ARMC9: variants seen among roughly 807,000 people sequenced by gnomAD.
The protein encoded by ARMC9 is lisH domain-containing protein ARMC9.
A neutral mutation model predicts 107.0 loss-of-function variants in ARMC9; 94 were observed. The ratio of observed to expected loss-of-function variants is 0.88; its 90% CI spans 0.74 to 1.04. The LOEUF is 1.04. ARMC9 is among the 50% of genes least tolerant of loss of function. The pLI is 0.00. For synonymous variants in ARMC9, 380 were observed against 396.9 expected (o/e 0.96, Z 0.51); for missense variants, 942 against 1,030.1 (o/e 0.91, Z 1.17).
chr2:231,256,920 G>C (rs1363630359), intron 10 of ARMC9, among the ~76,000 whole-genome samples: 1 of 152,130 alleles, frequency 6.6e-6, no homozygotes, highest in African/African-American at 2.4e-5. Flanking sequence ...CCGCCTCCTG[G>C]GTTCAAGCGA....
intron 3 of ARMC9, 56 bp downstream of exon 3, chr2:231,208,308 T>C: frequency 1.5e-6 from 2 of 1,370,040 alleles, no homozygotes; most frequent in South Asian, 1.2e-5. Flanking sequence ...TCCCAACTTG[T>C]GGAAAATGCT....
intron 19 of ARMC9, among the ~76,000 whole-genome samples, chr2:231,316,486 C>A (rs2042687713): frequency 6.6e-6 from 1 of 151,812 alleles, no homozygotes; most frequent in East Asian, 1.9e-4. Context: ...CATGGTGAAA[C>A]CCCATCTCTA....
chr2:231,327,809 G>C (rs1332799080), intron 19 of ARMC9, among the ~76,000 whole-genome samples: 1 of 151,956 alleles, frequency 6.6e-6, no homozygotes, highest in Non-Finnish European at 1.5e-5. Context: ...TTTTGACACT[G>C]AGTCTTGCTC....
intron 23 of ARMC9, among the ~76,000 whole-genome samples, chr2:231,365,117 T>C (rs1575193725): frequency 6.6e-6 from 1 of 152,094 alleles, no homozygotes; most frequent in Non-Finnish European, 1.5e-5. Context: ...ATGGCGCTGG[T>C]CTGGCCTGAG....
At chr2:231,291,474 C>G (rs2040987549) in intron 18 of ARMC9, 31 bp downstream of exon 18, 2 of 1,591,022 alleles carry the variant, frequency 1.3e-6, no homozygotes, top group Middle Eastern at 1.7e-4. Flanking sequence ...TTTGATCTAT[C>G]TTTTGAATTA....
intron 19 of ARMC9, among the ~76,000 whole-genome samples, chr2:231,317,919 A>G (rs946969539): frequency 1.3e-5 from 2 of 151,568 alleles, no homozygotes; most frequent in Non-Finnish European, 2.9e-5. Flanking sequence ...TTCTGAGCAC[A>G]TTTTCCTTTA....
intron 11 of ARMC9, among the ~76,000 whole-genome samples, chr2:231,260,171 T>G (rs1231791897): frequency 6.6e-6 from 1 of 152,254 alleles, no homozygotes; most frequent in African/African-American, 2.4e-5. Flanking sequence ...CTTTAATGTC[T>G]GGCTTGATGG....
In ARMC9 at chr2:231,331,895, G is replaced by T. The variant is rs1279207003; in HGVS notation, c.1876G>T (p.Gly626Trp). Reference sequence around the variant, plus strand: ...GAAGCTTCTGACCACGGAGTACCTGGGGGTAAGTGCCACACAAAGGGTGGG... The same window carrying T: ...GAAGCTTCTGACCACGGAGTACCTGTGGGTAAGTGCCACACAAAGGGTGGG... Reference protein sequence around the residue: ...GEKLLTTEYLGIMTNTGKTRR... With the variant: ...GEKLLTTEYLWIMTNTGKTRR... The change falls in exon 20 of 25, where the codon GGG becomes TGG. Residue 626 changes from glycine (G) to tryptophan (W), a missense_variant and splice_region_variant. Transcript: ENST00000611582. 1.9e-6 allele frequency: 3 copies of T among 1,610,334 alleles called. No homozygotes were observed. The South Asian group carries it at 3.3e-5, about 18-fold the overall frequency.
chr2:231,235,349 G>A lies in ARMC9; in HGVS notation c.748G>A (p.Asp250Asn). ...CATTGGAGTCACAGCAGAGCTGGTG[G>A]ATTCTCTAGAGGCCACAGTCAGCGG... ...NLIGVTAELV[D>N]SLEATVSGKM... is the part of the protein sequence containing the mutation. The change falls in exon 8 of 25, where the codon GAT (aspartate) becomes AAT (asparagine). Residue 250 changes from aspartate to asparagine, a missense_variant. Physicochemically the swap from Asp to Asn is conservative, Grantham distance 23. Transcript: ENST00000611582. The A allele has an allele frequency of 6.2e-7, 1 of 1,614,196 alleles. No individual in the cohort carries two copies. Among genetic ancestry groups the A allele is most frequent in the Non-Finnish European group, 8.5e-7 (1 of 1,180,026 alleles).
chr2:231,229,652 A>T (rs970783308), intron 7 of ARMC9, among the ~76,000 whole-genome samples: 6 of 152,234 alleles, frequency 3.9e-5, no homozygotes, highest in Non-Finnish European at 5.9e-5. Flanking sequence ...TTAAAAAGTA[A>T]TGACTCATAT....
chr2:231,246,568 G>C (rs530597799), intron 9 of ARMC9, among the ~76,000 whole-genome samples: 1 of 152,296 alleles, frequency 6.6e-6, no homozygotes, highest in East Asian at 1.9e-4. Context: ...GTATTCCATT[G>C]TATATGTGTA....
chr2:231,241,969 T>C (rs2036340736), intron 9 of ARMC9, among the ~76,000 whole-genome samples: 1 of 152,112 alleles, frequency 6.6e-6, no homozygotes, highest in African/African-American at 2.4e-5. Context: ...TAATATTTCC[T>C]GCATCCAAAA....
At chr2:231,213,768 C>G (rs977396297) in intron 3 of ARMC9, among the ~76,000 whole-genome samples, 1 of 152,154 alleles carries the variant, frequency 6.6e-6, no homozygotes, top group Non-Finnish European at 1.5e-5. Context: ...AGCCATCTCA[C>G]CCATAAACTC....
At chr2:231,281,953 A>C (rs1380125521) in intron 16 of ARMC9, 106 bp from the exon 17 acceptor site, 1 of 1,063,776 alleles carries the variant, frequency 9.4e-7, no homozygotes, top group Non-Finnish European at 1.4e-6. Context: ...GGACGGGAAC[A>C]CCCACTCTCC....
intron 5 of ARMC9, among the ~76,000 whole-genome samples, chr2:231,220,040 A>G (rs1030529731): frequency 2.6e-5 from 4 of 152,064 alleles, no homozygotes; most frequent in African/African-American, 9.7e-5. Context: ...CGTGCAAATC[A>G]TTGTGCTCGC....
chr2:231,218,918 AT>A lies in ARMC9; in HGVS notation c.504+2130del, dbSNP rs1409576224. 9.2e-5 allele frequency among the ~76,000 whole-genome samples: 14 copies of A among 151,962 alleles called. No individual in the cohort carries two copies. The East Asian group carries it at 2.7e-3, about 29-fold the overall frequency. On this transcript the variant is annotated intron_variant, in intron 5 of 24. Coordinates refer to ENST00000611582, the MANE Select transcript of ARMC9 (RefSeq NM_001352754.2). ...AGGCACACGCCACCATGTCCGGCTA[AT>A]TTTTGTATTTTTAGTAGAGACGGGG...
At chr2:231,363,218 T>A (rs2045664180) in intron 23 of ARMC9, among the ~76,000 whole-genome samples, 1 of 152,222 alleles carries the variant, frequency 6.6e-6, no homozygotes, top group African/African-American at 2.4e-5. Context: ...TACTTGTTGA[T>A]GAACAAGTAG....
chr2:231,243,171 C>T (rs1003352618), intron 9 of ARMC9, among the ~76,000 whole-genome samples: 7 of 151,164 alleles, frequency 4.6e-5, no homozygotes, highest in Admixed American at 2.6e-4. Context: ...GGCATGAACC[C>T]GGGAGGCGGA....
intron 2 of ARMC9, among the ~76,000 whole-genome samples, chr2:231,207,691 G>A (rs1010534492): frequency 5.3e-5 from 8 of 152,078 alleles, no homozygotes; most frequent in Admixed American, 1.3e-4. Flanking sequence ...GGCCAGGCTG[G>A]TCTCGAATTC....
Sources: gnomAD v4.1 joint callset for allele counts (sites outside exome capture counted in the v4.1 genomes callset) on GRCh38, gnomAD v4.1.1 for gene constraint, MANE v1.5 for transcripts, NCBI Gene and HGNC (gene_info 2026-07-23, HGNC 2026-07-21) for gene names.